The following DLG4 variants were observed in gnomAD, a reference collection of about 807,000 sequenced individuals.
DLG4 encodes the protein discs large MAGUK scaffold protein 4.
In DLG4, 7 loss-of-function variants were observed where a neutral mutation model predicts 93.8. The ratio of observed to expected loss-of-function variants is 0.07; its 90% CI spans 0.04 to 0.14. The LOEUF (loss-of-function observed/expected upper bound fraction) is 0.14, where lower values mean the gene tolerates loss of function less well. Ranked by LOEUF, DLG4 falls within the 10% of genes least tolerant of loss-of-function variation. DLG4 has a pLI of 1.00. For synonymous variants in DLG4, 341 were observed against 387.6 expected, an observed-to-expected ratio of 0.88 and a Z score of 1.41; for missense variants, 545 against 992.9, an observed-to-expected ratio of 0.55 and a Z score of 6.06.
At chr17:7,219,431 G>C (rs2071080040), upstream of DLG4, 1 of 1,018,404 alleles carries the variant, frequency 9.8e-7, no homozygotes. Flanking sequence ...TGTTCCAAGA[G>C]TTAGTGAATG....
Position 7,204,309 on chromosome 17 carries a change from C to G in DLG4, c.97-57G>C, listed in dbSNP as rs374230374. The G allele has an allele frequency of 1.1e-5, 16 of 1,498,622 alleles. No homozygotes were observed. In the African/African-American group the frequency reaches 2.1e-4, roughly 20 times the overall value. The allele number at this position is 1,498,622 out of a possible 1,614,324, so 92.8% of individuals were successfully genotyped here. On this transcript the variant is annotated intron_variant, in intron 2 of 19. Coordinates refer to ENST00000399506, the MANE Select transcript of DLG4 (RefSeq NM_001321075.3). ...CTGAGCCTTGACTCGAGAGGGAGCC[C>G]ATAACGGAGGGTCCCATCAGCGTGG...
rs1409004861 is a variant in DLG4, at chr17:7,205,297, C to T, written c.97-1045G>A. ...TGCCCAGGTCCCTGACGTCAATCGCCTGGTCTCTAGACTCCCAGGCGGGGC... is the reference window on the plus strand; with the variant it reads ...TGCCCAGGTCCCTGACGTCAATCGCTTGGTCTCTAGACTCCCAGGCGGGGC... On this transcript the variant is annotated intron_variant, in intron 2 of 19. Coordinates refer to ENST00000399506, the MANE Select transcript of DLG4 (RefSeq NM_001321075.3). The T allele has an allele frequency of 5.6e-6, 3 of 540,072 alleles. No individual in the cohort carries two copies. The Admixed American group carries it at 1.9e-4, about 34-fold the overall frequency. The allele number at this position is 540,072 out of a possible 1,614,324, so 33.5% of individuals were successfully genotyped here. A position where few individuals can be genotyped will look rare whatever the true frequency, so the allele number is the denominator to read the frequency against.
intron 2 of DLG4, chr17:7,204,842 C>G (rs530939500): frequency 1.5e-6 from 1 of 661,504 alleles, no homozygotes; most frequent in Non-Finnish European, 1.9e-6. Flanking sequence ...GCTGCAGGCC[C>G]CTCCCTCGGT....
upstream of DLG4, chr17:7,218,093 A>C (rs1406891634): frequency 3.0e-5 from 22 of 732,302 alleles, no homozygotes; most frequent in Non-Finnish European, 4.9e-5. Flanking sequence ...CAGAGAGTGC[A>C]TTCTCGGTGC....
upstream of DLG4, chr17:7,219,853 C>A (rs886053371): frequency 1.9e-5 from 29 of 1,538,678 alleles, no homozygotes; most frequent in Admixed American, 5.3e-4. Flanking sequence ...CAGCATGCCC[C>A]GGGGCCCGCA....
upstream of DLG4, chr17:7,217,680 G>A (rs927321307): frequency 2.3e-5 from 33 of 1,455,214 alleles, no homozygotes; most frequent in African/African-American, 4.4e-4. Flanking sequence ...AATGGGGGGG[G>A]TGCCTTGGCA....
chr17:7,200,748 G>T (rs887023717), intron 8 of DLG4, among the ~76,000 whole-genome samples: 4 of 151,324 alleles, frequency 2.6e-5, no homozygotes, highest in Admixed American at 6.6e-5. Flanking sequence ...GTTTCTCCAT[G>T]TTGGTTAGGC....
rs2142807428 is a variant in DLG4, at chr17:7,191,173, C to T, written c.2068+94G>A. The T allele has an allele frequency of 2.4e-6, 3 of 1,271,410 alleles. No individual in the cohort carries two copies. In the South Asian group the frequency reaches 3.7e-5, roughly 16 times the overall value. The allele number at this position is 1,271,410 out of a possible 1,614,324, so 78.8% of individuals were successfully genotyped here. ...CCATGCCGCGCCCACAGGGGCACCT[C>T]TTTCTAAGCCATCCACTGGGGGTGG... On this transcript the variant is annotated intron_variant, in intron 19 of 19. Coordinates refer to ENST00000399506, the MANE Select transcript of DLG4 (RefSeq NM_001321075.3). This position sits in a 1 kb window ranked among gnomAD's most constrained non-coding sequence, Gnocchi z 6.6.
Position 7,191,901 on chromosome 17 carries a change from C to T in DLG4, c.1968G>A (p.Glu656=), listed in dbSNP as rs767881790. Residue 656 remains glutamate, a synonymous_variant, in exon 18 of 20, where the codon GAG becomes GAA. Transcript: ENST00000399506. This position sits in a 1 kb window ranked among gnomAD's most constrained non-coding sequence, Gnocchi z 6.6. ...CCCAGGACCATACTCACAGCACATT[C>T]TCCAGGGAGCGGGGGCGGATGAAGA... ...IAIFIRPRSL[E]NVLEINKRIT... is the part of the protein sequence containing the mutation. 2 of 1,467,926 alleles carry T rather than the reference C, an allele frequency of 1.4e-6. No homozygotes were observed. Among genetic ancestry groups the T allele is most frequent in the East Asian group, 2.5e-5 (1 of 39,666 alleles). The allele number at this position is 1,467,926 out of a possible 1,614,324, so 90.9% of individuals were successfully genotyped here.
At chr17:7,206,069 A>C (rs1197787118) in intron 2 of DLG4, among the ~76,000 whole-genome samples, 3 of 151,236 alleles carry the variant, frequency 2.0e-5, no homozygotes, top group Non-Finnish European at 4.4e-5. Flanking sequence ...ATCCCTTACC[A>C]ATGTGGCCTC....
In DLG4 at chr17:7,203,913, G is replaced by A. The variant is rs573107826; in HGVS notation, c.210+95C>T. 70 of 1,588,410 alleles carry A rather than the reference G, an allele frequency of 4.4e-5. No homozygotes were observed. The Admixed American group carries it at 7.6e-4, about 17-fold the overall frequency. On this transcript the variant is annotated intron_variant, in intron 4 of 19. Coordinates refer to ENST00000399506, the MANE Select transcript of DLG4 (RefSeq NM_001321075.3). The surrounding 1 kb of genome is among the most constrained non-coding windows in gnomAD (Gnocchi z 7.2). Reference sequence around the variant, plus strand: ...TGGCTTGGAGCAGCCAGAGGAGGAAGGCACAGGGTGAGGGGCTAGCCACCC... The same window carrying A: ...TGGCTTGGAGCAGCCAGAGGAGGAAAGCACAGGGTGAGGGGCTAGCCACCC...
At position 7,194,807 on chromosome 17, in the gene DLG4, G is replaced by A. The variant is rs941039843; in HGVS notation, c.1302-312C>T. ...CTGACTTTGGGAGGCCAAGGCGGGC[G>A]GATCACAAGGTCAGGAGATTGAGAC... On this transcript the variant is annotated intron_variant, in intron 11 of 19. Coordinates refer to ENST00000399506, the MANE Select transcript of DLG4 (RefSeq NM_001321075.3). This position sits in a 1 kb window ranked among gnomAD's most constrained non-coding sequence, Gnocchi z 4.4. Among the ~76,000 whole-genome samples the A allele has an allele frequency of 2.0e-5, 3 of 152,124 alleles. No individual in the cohort carries two copies. The highest frequency in any genetic ancestry group is 2.9e-5 in the Non-Finnish European group (2 of 68,014).
In DLG4 at chr17:7,189,214, A is replaced by G. The variant is rs140215187; in HGVS notation, c.*1494T>C. On this transcript the variant is annotated 3_prime_UTR_variant, in exon 20 of 20. Coordinates refer to ENST00000399506, the MANE Select transcript of DLG4 (RefSeq NM_001321075.3). ...ACTCTGTAAAGATCATTTCCAGGCC[A>G]GGCGCGGTGGCTCACGCCTGTAATC... Among the ~76,000 whole-genome samples, 5,052 of 151,402 alleles carry G rather than the reference A, an allele frequency of 0.033. 100 individuals carry two copies. The highest frequency in any genetic ancestry group is 0.05 in the African/African-American group (2,043 of 41,264).
At position 7,208,263 on chromosome 17, in the gene DLG4, A is replaced by G; in HGVS notation, c.31-24T>C. The G allele has an allele frequency of 7.6e-7, 1 of 1,311,252 alleles. No homozygotes were observed. The allele number at this position is 1,311,252 out of a possible 1,614,324, so 81.2% of individuals were successfully genotyped here. On this transcript the variant is annotated intron_variant, in intron 1 of 19. Transcript: ENST00000399506. The surrounding 1 kb of genome is among the most constrained non-coding windows in gnomAD (Gnocchi z 5.4). ...TTCTGGGGATGGGGACGGAGGTGTCACTGGGGCCAGCCCGGTGCCTCAGGC... is the reference window on the plus strand; with the variant it reads ...TTCTGGGGATGGGGACGGAGGTGTCGCTGGGGCCAGCCCGGTGCCTCAGGC...
chr17:7,218,985 G>T, upstream of DLG4: 1 of 882,518 alleles, frequency 1.1e-6, no homozygotes, highest in Non-Finnish European at 1.8e-6. Flanking sequence ...AGGTCCCAAG[G>T]CACCAGCACC....
Position 7,191,783 on chromosome 17 carries a change from T to G in DLG4, c.1976+110A>C. 1 of 794,336 alleles carries G rather than the reference T, an allele frequency of 1.3e-6. No homozygotes were observed. Among genetic ancestry groups the G allele is most frequent in the East Asian group, 2.6e-5 (1 of 38,466 alleles). The allele number at this position is 794,336 out of a possible 1,614,324, so 49.2% of individuals were successfully genotyped here. ...TCCAGGGATCCCCCTCAGGGGCTGC[T>G]GAAACCGCTGTCCAGGGTTCTGAAG... is the stretch of plus-strand genomic sequence containing the variant. On this transcript the variant is annotated intron_variant, in intron 18 of 19. Transcript: ENST00000399506. The surrounding 1 kb of genome is among the most constrained non-coding windows in gnomAD (Gnocchi z 6.6).
rs777354560 is a variant in DLG4 at position 7,208,150 on chromosome 17, G to A, written c.96+24C>T. On this transcript the variant is annotated intron_variant, in intron 2 of 19. Coordinates refer to ENST00000399506, the MANE Select transcript of DLG4 (RefSeq NM_001321075.3). This position sits in a 1 kb window ranked among gnomAD's most constrained non-coding sequence, Gnocchi z 5.4. ...GGTGGGACAAGTTCCTCTCCGCCAC[G>A]TGCACCAGCTCGGGGGCGTTTACCT... 19 of 1,318,758 alleles carry A rather than the reference G, an allele frequency of 1.4e-5. No individual in the cohort carries two copies. In the East Asian group the frequency reaches 1.7e-4, roughly 12 times the overall value. The allele number at this position is 1,318,758 out of a possible 1,614,324, so 81.7% of individuals were successfully genotyped here.
upstream of DLG4, chr17:7,218,256 G>A (rs758092695): frequency 4.3e-6 from 7 of 1,609,948 alleles, no homozygotes; most frequent in South Asian, 5.6e-5. Context: ...TCTCTGAGAG[G>A]GAAGCCTCAT....
chr17:7,203,865 G>C lies in DLG4; in HGVS notation c.211-49C>G, dbSNP rs1295098217. The C allele has an allele frequency of 1.2e-6, 2 of 1,607,086 alleles. No individual in the cohort carries two copies. Among genetic ancestry groups the C allele is most frequent in the African/African-American group, 2.7e-5 (2 of 74,872 alleles). On this transcript the variant is annotated intron_variant, in intron 4 of 19. Coordinates refer to ENST00000399506, the MANE Select transcript of DLG4 (RefSeq NM_001321075.3). The surrounding 1 kb of genome is among the most constrained non-coding windows in gnomAD (Gnocchi z 7.2). Reference sequence around the variant, plus strand: ...TCAGCTCCCCTCACTGCCCAAGTCTGGCAAGGCAAGTGGGGTGGGAAATGG... The same window carrying C: ...TCAGCTCCCCTCACTGCCCAAGTCTCGCAAGGCAAGTGGGGTGGGAAATGG...
Sources: allele counts gnomAD v4.1 joint callset (sites outside exome capture counted in the v4.1 genomes callset), GRCh38; gene constraint gnomAD v4.1.1; non-coding constraint Gnocchi (gnomAD v3.1); transcripts MANE v1.5; gene names NCBI Gene and HGNC (gene_info 2026-07-23, HGNC 2026-07-21).